The following BTN2A2 variants were observed in gnomAD, a reference collection of about 807,000 sequenced individuals.
BTN2A2 encodes butyrophilin subfamily 2 member A2, also known as butyrophilin 2.
In BTN2A2, 29 loss-of-function variants were observed where a neutral mutation model predicts 34.7. That is an observed-to-expected ratio of 0.84 (90% CI 0.62 to 1.14). The LOEUF is 1.14. Among genes scored for constraint, BTN2A2 ranks in the 50% most tolerant of loss-of-function variants. The pLI is 0.00. For missense variants in BTN2A2, 612 were observed against 651.5 expected, an observed-to-expected ratio of 0.94 and a Z score of 0.66; for synonymous variants, 240 against 253.1, an observed-to-expected ratio of 0.95 and a Z score of 0.49.
In BTN2A2 at chr6:26,388,171, G is replaced by C. The variant is rs771617830; in HGVS notation, c.601G>C (p.Ala201Pro). Residue 201 changes from alanine (A) to proline (P), a missense_variant, in exon 4 of 8, where the codon GCT (alanine) becomes CCT (proline). By Grantham distance (27) the Ala-to-Pro change is conservative (BLOSUM62 -1). Coordinates refer to ENST00000356709, the MANE Select transcript of BTN2A2 (RefSeq NM_006995.5). Reference sequence around the variant, plus strand: ...CCTGAAGGAGGTTTCCATCGCTGATGCTGACGGCCTCTTCATGGTCACCAC... The same window carrying C: ...CCTGAAGGAGGTTTCCATCGCTGATCCTGACGGCCTCTTCATGGTCACCAC... Reference protein sequence around the residue: ...PALKEVSIADADGLFMVTTAV... With the variant: ...PALKEVSIADPDGLFMVTTAV... The C allele has an allele frequency of 4.0e-5, 65 of 1,614,104 alleles. No homozygotes were observed. The highest frequency in any genetic ancestry group is 5.2e-5 in the Non-Finnish European group (61 of 1,180,050).
In BTN2A2 at chr6:26,384,323, T is replaced by G. The variant is rs1581587421; in HGVS notation, c.94+408T>G. On this transcript the variant is annotated intron_variant, in intron 2 of 7. Transcript: ENST00000356709. The surrounding 1 kb of genome is among the most constrained non-coding windows in gnomAD (Gnocchi z 4.0). ...GGCCACCACACTCGACTAAGTTTTA[T>G]TTTTTGTAGAGACAGGGTCTCACTA... Among the ~76,000 whole-genome samples, 1 of 152,280 alleles carries G rather than the reference T, an allele frequency of 6.6e-6. No homozygotes were observed. Among genetic ancestry groups the G allele is most frequent in the African/African-American group, 2.4e-5 (1 of 41,560 alleles).
Position 26,394,442 on chromosome 6 carries a change from C to A in BTN2A2, c.*1475C>A. ...TCTGTTGGCTGGGTGCCCAATACAA[C>A]AAAAAGGCAGAGGAAAGGCAAATTC... is the stretch of plus-strand genomic sequence containing the variant. On this transcript the variant is annotated 3_prime_UTR_variant, in exon 8 of 8. Transcript: ENST00000356709. The A allele has an allele frequency of 1.6e-6, 1 of 636,378 alleles. No individual in the cohort carries two copies. Among genetic ancestry groups the A allele is most frequent in the Admixed American group, 2.2e-5 (1 of 44,760 alleles). The allele number at this position is 636,378 out of a possible 1,614,324, so 39.4% of individuals were successfully genotyped here.
At chr6:26,390,511 T>A (rs1761508801) in intron 5 of BTN2A2, 176 bp from the exon 6 acceptor site, 1 of 826,622 alleles carries the variant, frequency 1.2e-6, no homozygotes, top group East Asian at 2.6e-5. Flanking sequence ...AATGTACTGA[T>A]ACTACCCAGC....
At chr6:26,385,552 CT>C (rs757053830) in intron 3 of BTN2A2, 190 bp downstream of exon 3, 62,963 of 416,668 alleles carry the variant, frequency 0.15, 5 homozygotes, top group South Asian at 0.2. Flanking sequence ...GGTTTCACTT[CT>C]TTTTTTTTTT....
At chr6:26,391,610 G>C (rs1761581709) in intron 7 of BTN2A2, 1 of 153,626 alleles carries the variant, frequency 6.5e-6, no homozygotes. Flanking sequence ...TAATGCAATA[G>C]AAAGGTAGAC....
chr6:26,383,204 C>T lies in BTN2A2; in HGVS notation c.-31+23C>T, dbSNP rs988752003. 3 of 152,840 alleles carry T rather than the reference C, an allele frequency of 2.0e-5. No individual in the cohort carries two copies. The highest frequency in any genetic ancestry group is 7.2e-5 in the African/African-American group (3 of 41,440). 9.5% of individuals were successfully genotyped at this position (152,840 alleles called of 1,614,324 possible). On this transcript the variant is annotated intron_variant, in intron 1 of 7. Transcript: ENST00000356709. This position sits in a 1 kb window ranked among gnomAD's most constrained non-coding sequence, Gnocchi z 4.4. The stretch of plus-strand genomic sequence containing the variant: ...GAGGTGAACACAGCTTTTCTCTTCT[C>T]TTTGGGATGCTTTGTTGTCTGGTGG...
chr6:26,385,567 T>C (rs1374067785), intron 3 of BTN2A2: 1 of 539,006 alleles, frequency 1.9e-6, no homozygotes, highest in East Asian at 3.3e-5. Flanking sequence ...TTTTTTTTTT[T>C]CAAGACAGAG....
In BTN2A2 at chr6:26,384,516, A is replaced by T. The variant is rs1182098897; in HGVS notation, c.95-499A>T. Among the ~76,000 whole-genome samples the T allele has an allele frequency of 6.6e-6, 1 of 151,830 alleles. No homozygotes were observed. ...TAATAATGTATTTTGTTTCATATAA[A>T]TAATCACATATCAATATTTAAATGC... On this transcript the variant is annotated intron_variant, in intron 2 of 7. Coordinates refer to ENST00000356709, the MANE Select transcript of BTN2A2 (RefSeq NM_006995.5). The surrounding 1 kb of genome is among the most constrained non-coding windows in gnomAD (Gnocchi z 4.0).
Position 26,393,040 on chromosome 6 carries a change from A to G in BTN2A2, c.*73A>G, listed in dbSNP as rs911586241. 56 of 1,612,444 alleles carry G rather than the reference A, an allele frequency of 3.5e-5. No homozygotes were observed. In the African/African-American group the frequency reaches 5.7e-4, roughly 17 times the overall value. ...CAGCAGCCACCGCACAACCCCCCTA[A>G]TGAAAGACACGCCCTCCTCCCCTCT... On this transcript the variant is annotated 3_prime_UTR_variant, in exon 8 of 8. Coordinates refer to ENST00000356709, the MANE Select transcript of BTN2A2 (RefSeq NM_006995.5).
rs1761343389 is a variant in BTN2A2 at position 26,388,295 on chromosome 6, G to T, written c.724+1G>T. ...AAGGAAACTGTCATTTTTATTCCAG[G>T]TTAGTTCTCTGCCCTCTGAGACCTA... On this transcript the variant is annotated splice_donor_variant, in intron 4 of 7. Coordinates refer to ENST00000356709, the MANE Select transcript of BTN2A2 (RefSeq NM_006995.5). LOFTEE classifies it high-confidence loss of function. 6 of 1,613,926 alleles carry T rather than the reference G, an allele frequency of 3.7e-6. No individual in the cohort carries two copies. The highest frequency in any genetic ancestry group is 5.1e-6 in the Non-Finnish European group (6 of 1,179,862).
intron 4 of BTN2A2, among the ~76,000 whole-genome samples, chr6:26,389,396 C>T (rs961192692): frequency 6.6e-6 from 1 of 152,122 alleles, no homozygotes; most frequent in Non-Finnish European, 1.5e-5. Flanking sequence ...ACAGGAAGAG[C>T]ATATGCAAAA....
At chr6:26,392,118 C>A in intron 7 of BTN2A2, 2 of 1,120,846 alleles carry the variant, frequency 1.8e-6, no homozygotes, top group African/African-American at 1.6e-5. Context: ...AATTTTGGCT[C>A]ATTTCCTAAA....
intron 7 of BTN2A2, 177 bp from the exon 8 acceptor site, chr6:26,392,198 A>T (rs987313445): frequency 7.8e-6 from 12 of 1,534,038 alleles, no homozygotes; most frequent in Non-Finnish European, 1.1e-5. Context: ...GGAGAGATAG[A>T]AGTGCAGCTT....
Position 26,383,730 on chromosome 6 carries a change from G to A in BTN2A2, c.-30-62G>A. The A allele has an allele frequency of 7.6e-7, 1 of 1,322,312 alleles. No homozygotes were observed. The highest frequency in any genetic ancestry group is 1.1e-6 in the Non-Finnish European group (1 of 919,616). 81.9% of individuals were successfully genotyped at this position (1,322,312 alleles called of 1,614,324 possible). A position where few individuals can be genotyped will look rare whatever the true frequency, so the allele number is the denominator to read the frequency against. ...ACCTACTTGAGTGACAGGAGAGGTT[G>A]GGCCCGACCAGCACTGAGGTGCCAA... On this transcript the variant is annotated intron_variant, in intron 1 of 7. Transcript: ENST00000356709. This position sits in a 1 kb window ranked among gnomAD's most constrained non-coding sequence, Gnocchi z 4.4.
At chr6:26,389,540 G>A (rs2113756235) in intron 4 of BTN2A2, among the ~76,000 whole-genome samples, 1 of 152,348 alleles carries the variant, frequency 6.6e-6, no homozygotes, top group East Asian at 1.9e-4. Context: ...ATATATGGCA[G>A]CACAGGCCAC....
intron 3 of BTN2A2, among the ~76,000 whole-genome samples, chr6:26,386,522 A>G (rs1761213374): frequency 6.6e-6 from 1 of 152,192 alleles, no homozygotes; most frequent in Non-Finnish European, 1.5e-5. Context: ...CATCTGATTA[A>G]AACAGAATAT....
intron 4 of BTN2A2, among the ~76,000 whole-genome samples, chr6:26,389,443 C>T (rs532582914): frequency 6.6e-6 from 1 of 152,268 alleles, no homozygotes; most frequent in South Asian, 2.1e-4. Context: ...GTTTCCAGGA[C>T]TCCCAGGAGG....
chr6:26,385,417 G>A, intron 3 of BTN2A2, 55 bp downstream of exon 3: 7 of 1,523,112 alleles, frequency 4.6e-6, no homozygotes, highest in Non-Finnish European at 6.2e-6. Context: ...TTTGGGGAAA[G>A]TTTCTCCCTT....
chr6:26,392,491 G>C lies in BTN2A2; in HGVS notation c.1096G>C (p.Asp366His), dbSNP rs200468059. 4 of 1,614,232 alleles carry C rather than the reference G, an allele frequency of 2.5e-6. No homozygotes were observed. The highest frequency in any genetic ancestry group is 1.7e-5 in the Admixed American group (1 of 60,028). ...AGTGCCTGACAACCCAGAGAGATTC[G>C]ACAGTCAGCCTTGTGTCCTGGGATG... Reference protein sequence around the residue: ...QRVPDNPERFDSQPCVLGWES... With the variant: ...QRVPDNPERFHSQPCVLGWES... The change falls in exon 8 of 8, where the codon GAC (aspartate) becomes CAC (histidine). Residue 366 changes from aspartate (D) to histidine (H), a missense_variant. By Grantham distance (81) the Asp-to-His change is moderately conservative. Transcript: ENST00000356709.
Sources: gnomAD v4.1 joint callset for allele counts (sites outside exome capture counted in the v4.1 genomes callset) on GRCh38, gnomAD v4.1.1 for gene constraint, Gnocchi (gnomAD v3.1) non-coding constraint, MANE v1.5 for transcripts, NCBI Gene and HGNC (gene_info 2026-07-23, HGNC 2026-07-21) for gene names.